Variants in CDH18 observed in about 807,000 individuals in gnomAD.
CDH18 encodes the protein cadherin 18.
CDH18 carries 31 observed loss-of-function variants against 67.9 expected under a neutral mutation model. The observed-to-expected ratio is 0.46, with a 90% CI of 0.34 to 0.62. CDH18 has a LOEUF of 0.62. Among genes scored for constraint, CDH18 ranks in the 20% least tolerant of loss-of-function variants. The pLI, the probability that CDH18 is intolerant of heterozygous loss-of-function variation, is 0.01. For missense variants in CDH18, 890 were observed against 975.5 expected (o/e 0.91, Z 1.17); for synonymous variants, 362 against 347.2 (o/e 1.04, Z -0.48).
rs553384453 is a variant in CDH18 at position 20,157,914 on chromosome 5, A to G, written c.-518+97530T>C. 2.0e-5 allele frequency among the ~76,000 whole-genome samples: 3 copies of G among 152,264 alleles called. No individual in the cohort carries two copies. The South Asian group carries it at 6.2e-4, about 32-fold the overall frequency. Reference sequence around the variant, plus strand: ...CTTGGCCTCCCAAAGTGCTGGGATTACAGGCATGTGCCAACCCAATTCTTT... The same window carrying G: ...CTTGGCCTCCCAAAGTGCTGGGATTGCAGGCATGTGCCAACCCAATTCTTT... On this transcript the variant is annotated intron_variant, in intron 2 of 14. Transcript: ENST00000507958.
intron 3 of CDH18, among the ~76,000 whole-genome samples, chr5:19,811,155 AAAGAAGG>A: frequency 4.5e-5 from 1 of 22,456 alleles, no homozygotes; most frequent in Non-Finnish European, 9.1e-5. Flanking sequence ...AGAAAGAAAG[AAAGAAGG>A]AGAGAAAGAA....
At chr5:19,808,040 G>T (rs1459162638) in intron 3 of CDH18, among the ~76,000 whole-genome samples, 1 of 151,904 alleles carries the variant, frequency 6.6e-6, no homozygotes, top group Non-Finnish European at 1.5e-5. Flanking sequence ...AAATAAACTC[G>T]ATTATAGTCA....
At chr5:19,785,695 T>A (rs867099145) in intron 3 of CDH18, among the ~76,000 whole-genome samples, 191 of 70,156 alleles carry the variant, frequency 2.7e-3, no homozygotes, top group Non-Finnish European at 3.1e-3. Context: ...TATATATATA[T>A]ATATATATAT....
intron 2 of CDH18, among the ~76,000 whole-genome samples, chr5:20,152,739 C>T (rs765529612): frequency 2.0e-5 from 3 of 151,956 alleles, no homozygotes; most frequent in South Asian, 2.1e-4. Flanking sequence ...GACATCACCA[C>T]GATGCTAGAG....
In CDH18 at chr5:19,994,853, T is replaced by TAGAGAGAGAGAGAGAGAGAG. The variant is rs776078908; in HGVS notation, c.-517-2840_-517-2839insCTCTCTCTCTCTCTCTCTCT. The stretch of plus-strand genomic sequence containing the variant: ...GAATATATATATATATATATATATA[T>TAGAGAGAGAGAGAGAGAGAG]ATAGAGAGAGAGAGAGAGAGAGAGA... On this transcript the variant is annotated intron_variant, in intron 2 of 14. Transcript: ENST00000507958. Among the ~76,000 whole-genome samples, 8 of 53,212 alleles carry TAGAGAGAGAGAGAGAGAGAG rather than the reference T, an allele frequency of 1.5e-4. 2 individuals are homozygous for TAGAGAGAGAGAGAGAGAGAG. The highest frequency in any genetic ancestry group is 6.7e-4 in the African/African-American group (7 of 10,450). The allele number at this position is 53,212 out of a possible 152,430, so 34.9% of individuals were successfully genotyped here. A position where few individuals can be genotyped will look rare whatever the true frequency, so the allele number is the denominator to read the frequency against.
chr5:20,575,564 G>A (rs746718372), exon 1 of CDH18: 3 of 152,148 alleles, frequency 2.0e-5, no homozygotes, highest in Non-Finnish European at 2.9e-5. Flanking sequence ...TGATGCAGGA[G>A]TAAGATGAGC....
chr5:19,532,323 T>C (rs1160776197), intron 9 of CDH18, among the ~76,000 whole-genome samples: 1 of 152,234 alleles, frequency 6.6e-6, no homozygotes, highest in Non-Finnish European at 1.5e-5. Context: ...GCATTTATGC[T>C]TGTCACTGGG....
At chr5:20,062,994 T>TC (rs1200713477) in intron 2 of CDH18, among the ~76,000 whole-genome samples, 4 of 148,606 alleles carry the variant, frequency 2.7e-5, no homozygotes, top group Admixed American at 6.7e-5. Context: ...TTTCTTTCTT[T>TC]TTTTTTTTTT....
intron 1 of CDH18, among the ~76,000 whole-genome samples, chr5:20,357,893 C>T (rs768342654): frequency 6.6e-6 from 1 of 151,906 alleles, no homozygotes; most frequent in African/African-American, 2.4e-5. Flanking sequence ...ATGGAATCAA[C>T]TTAGATGCTC....
At chr5:19,636,223 TA>T (rs1753123376) in intron 5 of CDH18, among the ~76,000 whole-genome samples, 1 of 152,132 alleles carries the variant, frequency 6.6e-6, no homozygotes, top group African/African-American at 2.4e-5. Context: ...TTTATTATTT[TA>T]TTTTTTCAAT....
At chr5:19,703,739 C>T (rs929387285) in intron 5 of CDH18, among the ~76,000 whole-genome samples, 2 of 151,110 alleles carry the variant, frequency 1.3e-5, no homozygotes, top group East Asian at 1.9e-4. Context: ...TGCCCCCCGC[C>T]GATCAACAGG....
intron 3 of CDH18, among the ~76,000 whole-genome samples, chr5:19,763,206 C>A (rs888578371): frequency 1.3e-5 from 2 of 152,120 alleles, no homozygotes; most frequent in Non-Finnish European, 2.9e-5. Flanking sequence ...ATGTGACAAA[C>A]CTGCACGTTG....
chr5:19,685,385 T>C (rs889274270), intron 5 of CDH18, among the ~76,000 whole-genome samples: 4 of 152,290 alleles, frequency 2.6e-5, no homozygotes, highest in South Asian at 4.1e-4. Context: ...CTGGGACACA[T>C]TGGTTCCAAA....
chr5:20,485,191 C>T lies in CDH18; in HGVS notation c.-580+90271G>A, dbSNP rs150361608. Among the ~76,000 whole-genome samples the T allele has an allele frequency of 3.9e-4, 59 of 152,220 alleles. No homozygotes were observed. The East Asian group carries it at 0.01, about 27-fold the overall frequency. On this transcript the variant is annotated intron_variant, in intron 1 of 14. Transcript: ENST00000507958. ...TAGTCTTTATTTCAAACCACAGGGACTTTGTGACTTTAGCTGTTAATTTCT... is the reference window on the plus strand; with the variant it reads ...TAGTCTTTATTTCAAACCACAGGGATTTTGTGACTTTAGCTGTTAATTTCT...
intron 1 of CDH18, among the ~76,000 whole-genome samples, chr5:20,445,476 T>C (rs1443856554): frequency 6.6e-6 from 1 of 152,222 alleles, no homozygotes; most frequent in Non-Finnish European, 1.5e-5. Context: ...AAGAAGACTT[T>C]ACTCAAAACT....
intron 4 of CDH18, among the ~76,000 whole-genome samples, chr5:19,744,625 C>T (rs916690716): frequency 1.3e-5 from 2 of 151,842 alleles, no homozygotes; most frequent in East Asian, 3.9e-4. Flanking sequence ...TTTATTTCAA[C>T]TATTTTCAAT....
intron 1 of CDH18, among the ~76,000 whole-genome samples, chr5:20,385,354 G>A (rs1267865095): frequency 6.6e-6 from 1 of 152,062 alleles, no homozygotes; most frequent in Non-Finnish European, 1.5e-5. Context: ...GTGGCTCTGA[G>A]TAATTCTGAT....
intron 1 of CDH18, among the ~76,000 whole-genome samples, chr5:20,258,914 C>T (rs1476859220): frequency 6.6e-6 from 1 of 152,062 alleles, no homozygotes; most frequent in African/African-American, 2.4e-5. Context: ...TAGTTAAAAC[C>T]TTGATTTTTG....
At chr5:20,076,848 CTTTAT>C (rs1743988909) in intron 2 of CDH18, among the ~76,000 whole-genome samples, 1 of 152,006 alleles carries the variant, frequency 6.6e-6, no homozygotes, top group Non-Finnish European at 1.5e-5. Context: ...ATAATTGTCA[CTTTAT>C]TTTATGAACA....
Sources: gnomAD v4.1 joint callset for allele counts (sites outside exome capture counted in the v4.1 genomes callset) on GRCh38, gnomAD v4.1.1 for gene constraint, MANE v1.5 for transcripts, NCBI Gene and HGNC (gene_info 2026-07-23, HGNC 2026-07-21) for gene names.